Variants in ARHGEF11 observed in about 807,000 individuals in gnomAD.
ARHGEF11 encodes the protein Rho guanine exchange factor (GEF) 11.
In ARHGEF11, 55 loss-of-function variants were observed where a neutral mutation model predicts 193.7. The observed-to-expected ratio is 0.28, with a 90% CI of 0.23 to 0.36. ARHGEF11 has a LOEUF of 0.36. Among genes scored for constraint, ARHGEF11 ranks in the 10% least tolerant of loss-of-function variants. ARHGEF11 has a pLI of 1.00. For missense variants in ARHGEF11, 1,723 were observed against 2,005.6 expected (o/e 0.86, Z 2.69); for synonymous variants, 693 against 768.0 (o/e 0.90, Z 1.62).
At chr1:156,977,098 C>T in intron 6 of ARHGEF11, 44 bp from the exon 7 acceptor site, 1 of 1,547,362 alleles carries the variant, frequency 6.5e-7, no homozygotes, top group Admixed American at 1.7e-5. Context: ...GGGACTAACT[C>T]AACAGCTTAG....
At chr1:156,946,023 C>A in intron 29 of ARHGEF11, 22 bp downstream of exon 29, 1 of 1,590,952 alleles carries the variant, frequency 6.3e-7, no homozygotes, top group Admixed American at 1.7e-5. Flanking sequence ...GCCTGTGATG[C>A]CAGCCCCTCC....
At chr1:157,039,534 C>T (rs1295580694) in intron 1 of ARHGEF11, among the ~76,000 whole-genome samples, 1 of 152,110 alleles carries the variant, frequency 6.6e-6, no homozygotes, top group African/African-American at 2.4e-5. Flanking sequence ...CCAGGATCAG[C>T]AACTTCTTCA....
chr1:157,044,473 C>G lies in ARHGEF11; in HGVS notation c.-143G>C, dbSNP rs1261191693. The G allele has an allele frequency of 1.4e-6, 1 of 738,696 alleles. No homozygotes were observed. The highest frequency in any genetic ancestry group is 1.5e-5 in the South Asian group (1 of 65,142). 45.8% of individuals were successfully genotyped at this position (738,696 alleles called of 1,614,324 possible). On this transcript the variant is annotated 5_prime_UTR_variant, in exon 1 of 41. Coordinates refer to ENST00000368194, the MANE Select transcript of ARHGEF11 (RefSeq NM_198236.3). The stretch of plus-strand genomic sequence containing the variant: ...TCCTTTCTCCTCCAGCTCTCAGGAC[C>G]CTGGTAACTGATGCTCCACTCTACT...
At position 156,971,677 on chromosome 1, in the gene ARHGEF11, G is replaced by A. The variant is rs1557881693; in HGVS notation, c.702+20C>T. 6.2e-7 allele frequency: 1 copy of A among 1,611,492 alleles called. No homozygotes were observed. The highest frequency in any genetic ancestry group is 1.7e-5 in the Admixed American group (1 of 59,938). On this transcript the variant is annotated intron_variant, in intron 8 of 40. Transcript: ENST00000368194. ...TTCTACTGCATGTGCCCTTACTAGA[G>A]CTGTGCCTACATCACTCACCACTGA... is the stretch of plus-strand genomic sequence containing the variant.
At chr1:157,018,048 C>T (rs1307921012) in intron 1 of ARHGEF11, among the ~76,000 whole-genome samples, 1 of 151,794 alleles carries the variant, frequency 6.6e-6, no homozygotes, top group Non-Finnish European at 1.5e-5. Context: ...TACATACCAA[C>T]AAAAATAAAT....
At chr1:156,964,286 T>C (rs1312894996) in intron 11 of ARHGEF11, among the ~76,000 whole-genome samples, 1 of 152,256 alleles carries the variant, frequency 6.6e-6, no homozygotes, top group African/African-American at 2.4e-5. Context: ...GGACATGCCA[T>C]GGATTAGGTA....
At chr1:157,041,248 A>G in intron 1 of ARHGEF11, among the ~76,000 whole-genome samples, 1 of 152,214 alleles carries the variant, frequency 6.6e-6, no homozygotes, top group East Asian at 1.9e-4. Flanking sequence ...TTGCAATAGC[A>G]AACACATTTT....
At chr1:157,006,486 A>C (rs1169650005) in intron 1 of ARHGEF11, among the ~76,000 whole-genome samples, 2 of 146,638 alleles carry the variant, frequency 1.4e-5, no homozygotes, top group Admixed American at 1.4e-4. Context: ...AAAAGCACCT[A>C]ATCATAGGGT....
At chr1:156,942,120 T>C in intron 33 of ARHGEF11, 131 bp from the exon 34 acceptor site, 1 of 1,300,644 alleles carries the variant, frequency 7.7e-7, no homozygotes. Flanking sequence ...CCCACCTCCC[T>C]GTACAGTCCT....
At chr1:157,002,042 G>A (rs1261458614) in intron 1 of ARHGEF11, among the ~76,000 whole-genome samples, 1 of 152,152 alleles carries the variant, frequency 6.6e-6, no homozygotes, top group African/African-American at 2.4e-5. Flanking sequence ...TGCATGTATG[G>A]GATTGGGAAG....
chr1:156,965,954 T>C (rs894467521), intron 11 of ARHGEF11, among the ~76,000 whole-genome samples: 1 of 152,216 alleles, frequency 6.6e-6, no homozygotes, highest in Admixed American at 6.5e-5. Context: ...ATTCATTCAC[T>C]ACACATTATG....
rs1003135384 is a variant in ARHGEF11 at position 156,963,301 on chromosome 1, C to T, written c.1042G>A (p.Asp348Asn). Reference sequence around the variant, plus strand: ...TTCTCCAGATCCTGGAATATGATGTCGCTCTGGAAGGCAGAAGGATGAGCA... The same window carrying T: ...TTCTCCAGATCCTGGAATATGATGTTGCTCTGGAAGGCAGAAGGATGAGCA... ...YDPGYFNNESDIIFQDLEKLK... is the reference protein window; with the variant it reads ...YDPGYFNNESNIIFQDLEKLK... Residue 348 changes from aspartate to asparagine, a missense_variant, in exon 13 of 41, where the codon GAC becomes AAC. Around this residue, in one of 5 missense-constraint regions of ARHGEF11, gnomAD observed 646 missense variants for 710.7 expected, o/e 0.91. Coordinates refer to ENST00000368194, the MANE Select transcript of ARHGEF11 (RefSeq NM_198236.3). 3.7e-6 allele frequency: 6 copies of T among 1,613,828 alleles called. No individual in the cohort carries two copies. Among genetic ancestry groups the T allele is most frequent in the Admixed American group, 1.7e-5 (1 of 59,972 alleles).
rs781169434 is a variant in ARHGEF11 at position 156,939,505 on chromosome 1, C to G, written c.4096+43G>C. On this transcript the variant is annotated intron_variant, in intron 37 of 40. Coordinates refer to ENST00000368194, the MANE Select transcript of ARHGEF11 (RefSeq NM_198236.3). The stretch of plus-strand genomic sequence containing the variant: ...TGTTCGGAAGACTTATCTCACCTAG[C>G]AAGGGTGCTTGTCTCCCCACTGGAC... 21 of 1,602,634 alleles carry G rather than the reference C, an allele frequency of 1.3e-5. 1 individual carries two copies. The South Asian group carries it at 1.8e-4, about 13-fold the overall frequency.
intron 1 of ARHGEF11, among the ~76,000 whole-genome samples, chr1:157,040,965 A>C (rs1285371132): frequency 6.6e-6 from 1 of 152,240 alleles, no homozygotes. Flanking sequence ...GCTTTACATG[A>C]GGAAGCCAGA....
rs753598593 is a variant in ARHGEF11 at position 156,946,914 on chromosome 1, AGGGAGAAGTTTGGAGCCATACCC to A, written c.2567_2568+21del. 3 of 1,613,784 alleles carry A rather than the reference AGGGAGAAGTTTGGAGCCATACCC, an allele frequency of 1.9e-6. No individual in the cohort carries two copies. Among genetic ancestry groups the A allele is most frequent in the Non-Finnish European group, 1.7e-6 (2 of 1,179,996 alleles). On this transcript the variant is annotated splice_donor_variant and splice_donor_5th_base_variant and coding_sequence_variant and intron_variant, in exon 27 of 41. Transcript: ENST00000368194. LOFTEE classifies it high-confidence loss of function. ...CTCCCCCAATCTCCTCCTTGCCAAG[AGGGAGAAGTTTGGAGCCATACCC>A]GGGCCAGCATGAGGTCACTGATCTC...
chr1:157,025,593 T>C (rs1205777284), intron 1 of ARHGEF11, among the ~76,000 whole-genome samples: 1 of 152,174 alleles, frequency 6.6e-6, no homozygotes, highest in Non-Finnish European at 1.5e-5. Context: ...TTTTCTAATC[T>C]TGTAGCTTTC....
intron 36 of ARHGEF11, 49 bp from the exon 37 acceptor site, chr1:156,939,959 C>T (rs760214440): frequency 3.4e-5 from 54 of 1,582,798 alleles, no homozygotes; most frequent in East Asian, 1.8e-4. Flanking sequence ...CTGCACACCA[C>T]GCCAGAAGGA....
At chr1:156,994,393 T>TG (rs1553220938) in intron 1 of ARHGEF11, among the ~76,000 whole-genome samples, 27 of 722 alleles carry the variant, frequency 0.037, no homozygotes, top group East Asian at 0.37. Context: ...TTATTGTGTG[T>TG]TTTTTTTTTT....
At position 156,969,194 on chromosome 1, in the gene ARHGEF11, C is replaced by G. The variant is rs1377326290; in HGVS notation, c.825+88G>C. ...CGATGGAAGAGGCACACAGAGGCCT[C>G]AGTGCAGCTGGTAGGCAGCAGAACT... On this transcript the variant is annotated intron_variant, in intron 10 of 40. Transcript: ENST00000368194. The G allele has an allele frequency of 2.8e-6, 3 of 1,054,264 alleles. No individual in the cohort carries two copies. The East Asian group carries it at 7.8e-5, about 27-fold the overall frequency. The allele number at this position is 1,054,264 out of a possible 1,614,324, so 65.3% of individuals were successfully genotyped here. A position where few individuals can be genotyped will look rare whatever the true frequency, so the allele number is the denominator to read the frequency against.
Sources: gnomAD v4.1 joint callset for allele counts (sites outside exome capture counted in the v4.1 genomes callset) on GRCh38, gnomAD v4.1.1 for gene constraint, gnomAD v4.1.1 regional missense constraint, MANE v1.5 for transcripts, NCBI Gene and HGNC (gene_info 2026-07-23, HGNC 2026-07-21) for gene names.